SCN2A: variants seen among roughly 807,000 people sequenced by gnomAD.
SCN2A encodes the protein sodium voltage-gated channel alpha subunit 2.
Under a neutral mutation model 188.7 loss-of-function variants are expected in SCN2A, and 20 were observed. That is an observed-to-expected ratio of 0.11 (90% CI 0.07 to 0.15). SCN2A has a LOEUF of 0.15. Ranked by LOEUF, SCN2A falls within the 10% of genes least tolerant of loss-of-function variation. The pLI, the probability that SCN2A is intolerant of heterozygous loss-of-function variation, is 1.00. For synonymous variants in SCN2A, 804 were observed against 833.1 expected (o/e 0.97, Z 0.60); for missense variants, 1,278 against 2,445.0 (o/e 0.52, Z 10.07).
chr2:165,246,079 T>C (rs1320909985), intron 1 of SCN2A, among the ~76,000 whole-genome samples: 1 of 152,188 alleles, frequency 6.6e-6, no homozygotes, highest in Non-Finnish European at 1.5e-5. Flanking sequence ...ATTATGCTGT[T>C]ATTACAAACC....
At chr2:165,304,359 T>TG (rs767059489) in intron 3 of SCN2A, among the ~76,000 whole-genome samples, 8 of 152,198 alleles carry the variant, frequency 5.3e-5, no homozygotes, top group Non-Finnish European at 1.2e-4. Context: ...CCTCCTGAAA[T>TG]GCTGAGATTA....
intron 1 of SCN2A, among the ~76,000 whole-genome samples, chr2:165,283,331 C>A (rs1056700473): frequency 6.6e-6 from 1 of 152,266 alleles, no homozygotes; most frequent in Admixed American, 6.5e-5. Flanking sequence ...CCTGAATGAG[C>A]ACTCAGGACT....
intron 17 of SCN2A, among the ~76,000 whole-genome samples, chr2:165,357,370 C>A (rs1431140190): frequency 6.6e-6 from 1 of 152,052 alleles, no homozygotes; most frequent in African/African-American, 2.4e-5. Context: ...AGGCTTATTA[C>A]CAATCCTTTC....
chr2:165,287,166 C>G (rs1256118953), intron 1 of SCN2A, among the ~76,000 whole-genome samples: 1 of 152,188 alleles, frequency 6.6e-6, no homozygotes, highest in East Asian at 1.9e-4. Context: ...AAGCAGGCAA[C>G]TTGAGAGGTC....
chr2:165,327,786 G>A (rs1698440334), intron 13 of SCN2A: 1 of 152,096 alleles, frequency 6.6e-6, no homozygotes, highest in Non-Finnish European at 1.5e-5. Context: ...TAGTTGTTTT[G>A]TTGTTGTTAT....
chr2:165,257,539 CTTG>C (rs960256842), intron 1 of SCN2A, among the ~76,000 whole-genome samples: 8 of 150,910 alleles, frequency 5.3e-5, no homozygotes, highest in Admixed American at 2.6e-4. Flanking sequence ...TGTTGTTGTT[CTTG>C]TTGTTGTTGT....
intron 12 of SCN2A, among the ~76,000 whole-genome samples, chr2:165,324,623 TAAC>T (rs1698254478): frequency 6.6e-6 from 1 of 152,098 alleles, no homozygotes; most frequent in Non-Finnish European, 1.5e-5. Context: ...TGATCATAGA[TAAC>T]CATGTACCAG....
intron 1 of SCN2A, among the ~76,000 whole-genome samples, chr2:165,259,696 G>A (rs564473162): frequency 1.7e-4 from 26 of 151,976 alleles, no homozygotes; most frequent in African/African-American, 4.8e-4. Context: ...TATTTCTACC[G>A]CATCTGCAGT....
intron 1 of SCN2A, chr2:165,267,137 A>AT (rs755797442): frequency 2.0e-5 from 3 of 152,150 alleles, no homozygotes; most frequent in African/African-American, 7.2e-5. Flanking sequence ...CATAATAGAT[A>AT]TTTTTTAAAT....
intron 16 of SCN2A, among the ~76,000 whole-genome samples, chr2:165,348,428 C>T (rs1242288882): frequency 1.3e-5 from 2 of 151,088 alleles, no homozygotes; most frequent in Non-Finnish European, 2.9e-5. Context: ...ACCTCCAAGT[C>T]CCCAAAGATA....
At chr2:165,288,069 T>C (rs1489160229) in intron 1 of SCN2A, among the ~76,000 whole-genome samples, 2 of 152,190 alleles carry the variant, frequency 1.3e-5, no homozygotes, top group Non-Finnish European at 2.9e-5. Flanking sequence ...TTCCATCCTT[T>C]TGTTTGGCAG....
chr2:165,267,016 AAAAG>A (rs1694897205), intron 1 of SCN2A: 1 of 152,094 alleles, frequency 6.6e-6, no homozygotes, highest in Admixed American at 6.6e-5. Flanking sequence ...GACACACATA[AAAAG>A]AAAGATATCC....
At chr2:165,265,844 T>TG (rs1574467071) in intron 1 of SCN2A, among the ~76,000 whole-genome samples, 2 of 151,460 alleles carry the variant, frequency 1.3e-5, no homozygotes, top group East Asian at 3.9e-4. Flanking sequence ...TCTTAATATA[T>TG]GGGGTCTAAC....
At chr2:165,337,900 C>A (rs1319639665) in intron 14 of SCN2A, among the ~76,000 whole-genome samples, 1 of 152,072 alleles carries the variant, frequency 6.6e-6, no homozygotes, top group African/African-American at 2.4e-5. Context: ...GAAAGACTAT[C>A]TTTTTTTCCT....
chr2:165,281,039 T>G (rs1336066869), intron 1 of SCN2A, among the ~76,000 whole-genome samples: 4 of 152,046 alleles, frequency 2.6e-5, no homozygotes, highest in African/African-American at 9.7e-5. Flanking sequence ...CTGGCCAACA[T>G]AGCAAGACCC....
intron 1 of SCN2A, among the ~76,000 whole-genome samples, chr2:165,277,703 G>A (rs1695405855): frequency 6.6e-6 from 1 of 152,164 alleles, no homozygotes; most frequent in South Asian, 2.1e-4. Flanking sequence ...TTCAAGCCTG[G>A]TCTGTTTTAA....
intron 8 of SCN2A, 56 bp downstream of exon 8, chr2:165,312,144 C>A: frequency 7.9e-7 from 1 of 1,264,406 alleles, no homozygotes; most frequent in Non-Finnish European, 1.2e-6. Context: ...GTGTCAATAA[C>A]CTGCCACCTC....
At chr2:165,327,125 A>AGT in intron 13 of SCN2A, 141 bp downstream of exon 13, 3 of 1,068,464 alleles carry the variant, frequency 2.8e-6, no homozygotes, top group Non-Finnish European at 4.2e-6. Context: ...AAATCCGTGC[A>AGT]TAACTCATGG....
At chr2:165,259,749 G>A (rs1386139649) in intron 1 of SCN2A, among the ~76,000 whole-genome samples, 1 of 152,048 alleles carries the variant, frequency 6.6e-6, no homozygotes, top group Non-Finnish European at 1.5e-5. Context: ...AATCAACCAT[G>A]ACGACTGGAA....
Sources: gnomAD v4.1 joint callset for allele counts (sites outside exome capture counted in the v4.1 genomes callset) on GRCh38, gnomAD v4.1.1 for gene constraint, MANE v1.5 for transcripts, NCBI Gene and HGNC (gene_info 2026-07-23, HGNC 2026-07-21) for gene names.